The following IFT172 variants were observed in gnomAD, a reference collection of about 807,000 sequenced individuals.
The protein encoded by IFT172 is intraflagellar transport protein 172 homolog.
IFT172 carries 164 observed loss-of-function variants against 248.9 expected under a neutral mutation model. The observed-to-expected ratio is 0.66, with a 90% CI of 0.58 to 0.75. IFT172 has a LOEUF of 0.75. Ranked by LOEUF, IFT172 falls within the 30% of genes least tolerant of loss-of-function variation. The pLI is 0.00. For missense variants in IFT172, 1,950 were observed against 2,192.4 expected (o/e 0.89, Z 2.21); for synonymous variants, 729 against 791.6 (o/e 0.92, Z 1.33).
chr2:27,484,024 C>T, intron 4 of IFT172, 87 bp from the exon 5 acceptor site: 1 of 1,304,974 alleles, frequency 7.7e-7, no homozygotes, highest in Non-Finnish European at 1.1e-6. Flanking sequence ...CCACACACCA[C>T]CACCTCAATC....
chr2:27,456,715 C>G, intron 29 of IFT172, 62 bp from the exon 30 acceptor site: 4 of 1,569,622 alleles, frequency 2.5e-6, no homozygotes, highest in Non-Finnish European at 3.5e-6. Flanking sequence ...CATCTCTGAC[C>G]TCGGCTTTGA....
chr2:27,446,312 G>A lies in IFT172; in HGVS notation c.4703C>T (p.Thr1568Ile), dbSNP rs759979976. ...GGCTTTGTCTACAGGTAGTAGCTGG[G>A]TGTGACGCAAGAGTGAAACAGAAAG... ...ARLSVSLLRH[T>I]QLLPVDKAFY... The change falls in exon 43 of 48, where the codon ACC (threonine) becomes ATC (isoleucine). Residue 1568 changes from threonine to isoleucine, a missense_variant. Physicochemically the swap from Thr to Ile is moderately conservative, Grantham distance 89 (BLOSUM62 -1). Transcript: ENST00000260570. 1 of 1,614,244 alleles carries A rather than the reference G, an allele frequency of 6.2e-7. No homozygotes were observed. Among genetic ancestry groups the A allele is most frequent in the Admixed American group, 1.7e-5 (1 of 60,028 alleles).
At chr2:27,466,133 C>G (rs991016965) in intron 16 of IFT172, 25 of 506,396 alleles carry the variant, frequency 4.9e-5, no homozygotes, top group Non-Finnish European at 7.8e-5. Flanking sequence ...ACTTCTGCTT[C>G]CAGCAGTACC....
chr2:27,483,561 A>G lies in IFT172; in HGVS notation c.482+19T>C. The G allele has an allele frequency of 6.2e-7, 1 of 1,611,132 alleles. No homozygotes were observed. Among genetic ancestry groups the G allele is most frequent in the Non-Finnish European group, 8.5e-7 (1 of 1,177,566 alleles). On this transcript the variant is annotated intron_variant, in intron 6 of 47. Coordinates refer to ENST00000260570, the MANE Select transcript of IFT172 (RefSeq NM_015662.3). ...CCTAACACTTCCAGACTCTAGTGAT[A>G]CTACTCCTCTTTACTCACTTTGTTG...
chr2:27,460,130 A>T (rs1666535871), intron 23 of IFT172, among the ~76,000 whole-genome samples: 2 of 151,050 alleles, frequency 1.3e-5, no homozygotes, highest in Admixed American at 1.3e-4. Flanking sequence ...GTGCTCTCTG[A>T]AACATGTGCT....
intron 35 of IFT172, among the ~76,000 whole-genome samples, chr2:27,451,275 T>G (rs1451506607): frequency 6.6e-6 from 1 of 152,208 alleles, no homozygotes; most frequent in African/African-American, 2.4e-5. Context: ...CTTCAAAGCT[T>G]AATCTGCCCT....
Position 27,454,765 on chromosome 2 carries a change from A to C in IFT172, c.3372-105T>G, listed in dbSNP as rs997058055. The C allele has an allele frequency of 1.1e-6, 1 of 919,978 alleles. No homozygotes were observed. The highest frequency in any genetic ancestry group is 1.5e-5 in the South Asian group (1 of 67,608). 57.0% of individuals were successfully genotyped at this position (919,978 alleles called of 1,614,324 possible). ...CAGAGTTGAGGGGAGAAAAAGTGAC[A>C]GATTTAAGGATAACAAATATGAAGT... On this transcript the variant is annotated intron_variant, in intron 30 of 47. Transcript: ENST00000260570. This position sits in a 1 kb window ranked among gnomAD's most constrained non-coding sequence, Gnocchi z 4.2.
chr2:27,470,713 G>A, intron 16 of IFT172: 1 of 428,530 alleles, frequency 2.3e-6, no homozygotes, highest in Non-Finnish European at 4.0e-6. Context: ...CGGGGCCACT[G>A]TAATGAACCC....
At chr2:27,450,986 A>G (rs146348888) in intron 35 of IFT172, among the ~76,000 whole-genome samples, 320 of 144,468 alleles carry the variant, frequency 2.2e-3, no homozygotes, top group Non-Finnish European at 3.5e-3. Context: ...AAATGTGGCT[A>G]CTAGAAAATT....
rs1668865996 is a variant in IFT172 at position 27,487,705 on chromosome 2, G to T, written c.39+1910C>A. Among the ~76,000 whole-genome samples the T allele has an allele frequency of 7.3e-5, 11 of 150,862 alleles. No individual in the cohort carries two copies. In the South Asian group the frequency reaches 2.3e-3, roughly 32 times the overall value. Reference sequence around the variant, plus strand: ...CCTCCTGAGTTCAAGCGATTCTCCTGCCTCAGCCTCCCGAGTAGCTGGGAT... The same window carrying T: ...CCTCCTGAGTTCAAGCGATTCTCCTTCCTCAGCCTCCCGAGTAGCTGGGAT... On this transcript the variant is annotated intron_variant, in intron 1 of 47. Coordinates refer to ENST00000260570, the MANE Select transcript of IFT172 (RefSeq NM_015662.3).
chr2:27,484,227 C>T lies in IFT172; in HGVS notation c.336G>A (p.Thr112=), dbSNP rs1158316267. 37 of 1,613,776 alleles carry T rather than the reference C, an allele frequency of 2.3e-5. No individual in the cohort carries two copies. Among genetic ancestry groups the T allele is most frequent in the African/African-American group, 2.7e-5 (2 of 74,866 alleles). The change falls in exon 4 of 48, where the codon ACG becomes ACA. Residue 112 remains threonine, a splice_region_variant and synonymous_variant. Transcript: ENST00000260570. ...KKVICNKFIQ[T]SAVTCLQWPA... Reference sequence around the variant, plus strand: ...TTCCAGGGACTGGTCTGAACTTTACCGTCTGGATGAACTTGTTGCAGATGA... The same window carrying T: ...TTCCAGGGACTGGTCTGAACTTTACTGTCTGGATGAACTTGTTGCAGATGA...
chr2:27,458,070 C>T lies in IFT172; in HGVS notation c.2975+56G>A, dbSNP rs1459298987. 1.7e-5 allele frequency: 28 copies of T among 1,611,650 alleles called. No homozygotes were observed. The African/African-American group carries it at 2.1e-4, about 12-fold the overall frequency. On this transcript the variant is annotated intron_variant, in intron 27 of 47. Coordinates refer to ENST00000260570, the MANE Select transcript of IFT172 (RefSeq NM_015662.3). ...GTACACATCCTCAGACCCCATCCCT[C>T]GTCCCAGCCTTGAAATCTCATCTCC...
rs1665085331 is a variant in IFT172, at chr2:27,446,240, C to G, written c.4755+20G>C. 1.9e-6 allele frequency: 3 copies of G among 1,611,104 alleles called. No individual in the cohort carries two copies. In the African/African-American group the frequency reaches 4.0e-5, roughly 22 times the overall value. Reference sequence around the variant, plus strand: ...TTTAACTTCCTCCTATCTGCCCCACCCTTCCTTGTCCCAGCTCACCTTGGC... The same window carrying G: ...TTTAACTTCCTCCTATCTGCCCCACGCTTCCTTGTCCCAGCTCACCTTGGC... On this transcript the variant is annotated intron_variant, in intron 43 of 47. Coordinates refer to ENST00000260570, the MANE Select transcript of IFT172 (RefSeq NM_015662.3).
At chr2:27,480,972 C>T in intron 8 of IFT172, 74 bp downstream of exon 8, 1 of 1,181,518 alleles carries the variant, frequency 8.5e-7, no homozygotes, top group Admixed American at 1.7e-5. Context: ...CACTCTGGCT[C>T]AGAATAATTT....
chr2:27,480,120 C>G lies in IFT172; in HGVS notation c.815G>C (p.Arg272Thr). ...RLRVFNWIPR[R>T]SIWEEAKPKE... ...GGGCTTTGCCTCTTCCCAGATGCTT[C>G]TTCGAGGGATCCAGTTGAACACCCG... Residue 272 changes from arginine to threonine, a missense_variant, in exon 9 of 48, where the codon AGA (arginine) becomes ACA (threonine). Transcript: ENST00000260570. 1.9e-6 allele frequency: 3 copies of G among 1,614,018 alleles called. No individual in the cohort carries two copies. Among genetic ancestry groups the G allele is most frequent in the Middle Eastern group, 1.7e-4 (1 of 6,058 alleles).
chr2:27,483,440 T>C, intron 6 of IFT172, 64 bp from the exon 7 acceptor site: 1 of 1,408,984 alleles, frequency 7.1e-7, no homozygotes, highest in South Asian at 1.2e-5. Context: ...GAAAGCCCCT[T>C]TCTCTGTCAA....
chr2:27,461,151 G>A (rs1666628821), intron 22 of IFT172, 58 bp from the exon 23 acceptor site: 3 of 1,613,684 alleles, frequency 1.9e-6, no homozygotes, highest in African/African-American at 1.3e-5. Flanking sequence ...CTAAGTATTA[G>A]CTCCGAAAAC....
Position 27,447,583 on chromosome 2 carries a change from A to G in IFT172, c.4591T>C (p.Phe1531Leu). The part of the protein sequence containing the change: ...SEANSPAHEE[F>L]KTMLLIAHYY... The stretch of plus-strand genomic sequence containing the variant: ...TGAGCGATCAGCAGCATCGTCTTGA[A>G]CTCCTCATGGGCTGGAGAGTTTGCC... The change falls in exon 42 of 48, where the codon TTC (phenylalanine) becomes CTC (leucine). Residue 1531 changes from phenylalanine to leucine, a missense_variant. Phe to Leu is a conservative substitution (Grantham distance 22). Coordinates refer to ENST00000260570, the MANE Select transcript of IFT172 (RefSeq NM_015662.3). 6.2e-7 allele frequency: 1 copy of G among 1,613,728 alleles called. No individual in the cohort carries two copies. The highest frequency in any genetic ancestry group is 8.5e-7 in the Non-Finnish European group (1 of 1,179,928).
At chr2:27,453,332 G>T in intron 35 of IFT172, 52 bp downstream of exon 35, 2 of 1,609,816 alleles carry the variant, frequency 1.2e-6, no homozygotes, top group South Asian at 2.2e-5. Context: ...AGAGCCAAGT[G>T]TGAATAGAGG....
Sources: gnomAD v4.1 joint callset for allele counts (sites outside exome capture counted in the v4.1 genomes callset) on GRCh38, gnomAD v4.1.1 for gene constraint, Gnocchi (gnomAD v3.1) non-coding constraint, MANE v1.5 for transcripts, NCBI Gene and HGNC (gene_info 2026-07-23, HGNC 2026-07-21) for gene names.